Variants in IGF1R observed in about 807,000 individuals in gnomAD.
IGF1R encodes insulin like growth factor 1 receptor, also known as insulin-like growth factor 1 receptor.
In IGF1R, 44 loss-of-function variants were observed where a neutral mutation model predicts 144.6. The ratio of observed to expected loss-of-function variants is 0.30; its 90% CI spans 0.24 to 0.39. IGF1R has a LOEUF of 0.39. Among genes scored for constraint, IGF1R ranks in the 10% least tolerant of loss-of-function variants. IGF1R has a pLI of 1.00. For synonymous variants in IGF1R, 795 were observed against 722.8 expected (o/e 1.10, Z -1.60); for missense variants, 1,355 against 1,833.7 (o/e 0.74, Z 4.77).
chr15:98,955,530 G>A lies in IGF1R; in HGVS notation c.3723-1531G>A, dbSNP rs1043903122. 1.1e-4 allele frequency among the ~76,000 whole-genome samples: 16 copies of A among 152,226 alleles called. 1 individual carries two copies. The highest frequency in any genetic ancestry group is 8.5e-4 in the Admixed American group (13 of 15,288). Reference sequence around the variant, plus strand: ...ATGCCAGTGCAGCTGATGTAGAGGCGGGCAGCCCCGGGTTAGGCCCTGTGG... The same window carrying A: ...ATGCCAGTGCAGCTGATGTAGAGGCAGGCAGCCCCGGGTTAGGCCCTGTGG... On this transcript the variant is annotated intron_variant, in intron 20 of 20. Transcript: ENST00000650285.
chr15:98,922,992 T>A (rs762405433), intron 11 of IGF1R, among the ~76,000 whole-genome samples: 1 of 152,184 alleles, frequency 6.6e-6, no homozygotes, highest in Non-Finnish European at 1.5e-5. Context: ...TTAGTAGGCC[T>A]CAGGTGGTAG....
chr15:98,811,658 G>A (rs1467843882), intron 2 of IGF1R, among the ~76,000 whole-genome samples: 2 of 151,972 alleles, frequency 1.3e-5, no homozygotes, highest in East Asian at 3.9e-4. Context: ...TGGGCGTGGT[G>A]GCTGACGCCT....
chr15:98,957,249 C>T lies in IGF1R; in HGVS notation c.3911C>T (p.Pro1304Leu), dbSNP rs2151738249. Residue 1304 changes from proline to leucine, a missense_variant, in exon 21 of 21, where the codon CCC (proline) becomes CTC (leucine). Pro to Leu is a moderately conservative substitution (Grantham distance 98). Transcript: ENST00000650285. ...DLEPENMESV[P>L]LDPSASSSSL... Reference sequence around the variant, plus strand: ...GAGCCAGAGAACATGGAGAGCGTCCCCCTGGACCCCTCGGCCTCCTCGTCC... The same window carrying T: ...GAGCCAGAGAACATGGAGAGCGTCCTCCTGGACCCCTCGGCCTCCTCGTCC... 1 of 1,614,168 alleles carries T rather than the reference C, an allele frequency of 6.2e-7. No individual in the cohort carries two copies.
At chr15:98,914,073 C>T (rs1213152948) in intron 8 of IGF1R, among the ~76,000 whole-genome samples, 1 of 152,198 alleles carries the variant, frequency 6.6e-6, no homozygotes, top group African/African-American at 2.4e-5. Context: ...AGGGCCCACT[C>T]CCTGGCTCAT....
chr15:98,831,960 C>T (rs1325887821), intron 2 of IGF1R, among the ~76,000 whole-genome samples: 1 of 152,048 alleles, frequency 6.6e-6, no homozygotes, highest in Non-Finnish European at 1.5e-5. Flanking sequence ...CAGCCTTGTC[C>T]TGTGCTTTGC....
At chr15:98,700,901 T>C (rs961208157) in intron 1 of IGF1R, among the ~76,000 whole-genome samples, 1 of 152,048 alleles carries the variant, frequency 6.6e-6, no homozygotes, top group African/African-American at 2.4e-5. Flanking sequence ...CAGGGTTCTG[T>C]CTATTGCGCT....
At chr15:98,701,514 G>A (rs2053732972) in intron 1 of IGF1R, among the ~76,000 whole-genome samples, 1 of 151,646 alleles carries the variant, frequency 6.6e-6, no homozygotes, top group African/African-American at 2.4e-5. Flanking sequence ...TTTTGTTTTT[G>A]TATTTTTAGT....
intron 2 of IGF1R, among the ~76,000 whole-genome samples, chr15:98,886,620 C>T (rs2141644797): frequency 6.6e-6 from 1 of 152,270 alleles, no homozygotes; most frequent in East Asian, 1.9e-4. Flanking sequence ...CCCTTCCTTT[C>T]CCCCATAGCG....
At chr15:98,945,876 G>C (rs2016530087) in intron 19 of IGF1R, among the ~76,000 whole-genome samples, 1 of 152,116 alleles carries the variant, frequency 6.6e-6, no homozygotes, top group African/African-American at 2.4e-5. Context: ...CCTCAGACAA[G>C]AGTTGCTCAG....
At position 98,963,079 on chromosome 15, in the gene IGF1R, G is replaced by A; in HGVS notation, c.*5637G>A. ...CAGTTGACGAAGATCTGGTTTACAA[G>A]AACTAATTAAATGTTTCATTGCATT... On this transcript the variant is annotated 3_prime_UTR_variant, in exon 21 of 21. Transcript: ENST00000650285. The A allele has an allele frequency of 4.3e-6, 1 of 233,516 alleles. No homozygotes were observed. Among genetic ancestry groups the A allele is most frequent in the East Asian group, 6.0e-5 (1 of 16,570 alleles). The allele number at this position is 233,516 out of a possible 1,614,324, so 14.5% of individuals were successfully genotyped here. A position where few individuals can be genotyped will look rare whatever the true frequency, so the allele number is the denominator to read the frequency against.
At chr15:98,723,188 A>G (rs73473493) in intron 2 of IGF1R, among the ~76,000 whole-genome samples, 16,807 of 152,030 alleles carry the variant, frequency 0.11, 1,745 homozygotes, top group African/African-American at 0.27. Flanking sequence ...CCCCCACCCC[A>G]ACTTTAAATC....
chr15:98,825,746 T>C (rs1020241121), intron 2 of IGF1R, among the ~76,000 whole-genome samples: 2 of 152,244 alleles, frequency 1.3e-5, no homozygotes, highest in East Asian at 3.8e-4. Context: ...TAATACAATG[T>C]AAATAGTTGT....
At chr15:98,894,233 C>T (rs949515469) in intron 3 of IGF1R, among the ~76,000 whole-genome samples, 1 of 152,178 alleles carries the variant, frequency 6.6e-6, no homozygotes, top group East Asian at 1.9e-4. Context: ...AGCCACTGTA[C>T]CCAGCTTCAG....
intron 1 of IGF1R, among the ~76,000 whole-genome samples, chr15:98,676,916 A>G (rs1330343801): frequency 6.6e-6 from 1 of 151,634 alleles, no homozygotes; most frequent in Non-Finnish European, 1.5e-5. Flanking sequence ...ATATTTTTAA[A>G]TTTTTTTTCA....
intron 2 of IGF1R, among the ~76,000 whole-genome samples, chr15:98,880,012 T>C (rs2141627302): frequency 6.6e-6 from 1 of 152,278 alleles, no homozygotes; most frequent in South Asian, 2.1e-4. Flanking sequence ...GGGTTTTTCT[T>C]TGGGGTGATG....
Position 98,648,839 on chromosome 15 carries a change from C to G in IGF1R, c.-743C>G, listed in dbSNP as rs1238851341. 6.6e-6 allele frequency: 1 copy of G among 150,676 alleles called. No homozygotes were observed. Among genetic ancestry groups the G allele is most frequent in the Non-Finnish European group, 1.5e-5 (1 of 68,562 alleles). 9.3% of individuals were successfully genotyped at this position (150,676 alleles called of 1,614,324 possible). A position where few individuals can be genotyped will look rare whatever the true frequency, so the allele number is the denominator to read the frequency against. ...CCTTCAGCGAGCCGGAGCCCCCGCG[C>G]AGAGCAGGCGGCGGCGGGCGGGGGC... is the stretch of plus-strand genomic sequence containing the variant. On this transcript the variant is annotated 5_prime_UTR_variant, in exon 1 of 21. Coordinates refer to ENST00000650285, the MANE Select transcript of IGF1R (RefSeq NM_000875.5).
At chr15:98,882,793 C>T (rs766626017) in intron 2 of IGF1R, among the ~76,000 whole-genome samples, 2 of 152,304 alleles carry the variant, frequency 1.3e-5, no homozygotes, top group South Asian at 4.1e-4. Context: ...AATGGAGTCT[C>T]AACCCCTTTC....
rs1002816534 is a variant in IGF1R, at chr15:98,865,058, T to A, written c.641-26267T>A. On this transcript the variant is annotated intron_variant, in intron 2 of 20. Coordinates refer to ENST00000650285, the MANE Select transcript of IGF1R (RefSeq NM_000875.5). ...AAGAAAAGAATCGTAGGCATCTCAG[T>A]AGGCTAGGTATCAGATCACACATGC... Among the ~76,000 whole-genome samples the A allele has an allele frequency of 3.3e-5, 5 of 152,216 alleles. No homozygotes were observed. In the South Asian group the frequency reaches 1.0e-3, roughly 32 times the overall value.
chr15:98,682,388 C>T (rs566275285), intron 1 of IGF1R, among the ~76,000 whole-genome samples: 1 of 152,228 alleles, frequency 6.6e-6, no homozygotes, highest in Admixed American at 6.5e-5. Context: ...CATATCTGTG[C>T]TCCGAGATGT....
Sources: allele counts gnomAD v4.1 joint callset (sites outside exome capture counted in the v4.1 genomes callset), GRCh38; gene constraint gnomAD v4.1.1; transcripts MANE v1.5; gene names NCBI Gene and HGNC (gene_info 2026-07-23, HGNC 2026-07-21).